The following RBFOX1 variants were observed in gnomAD, a reference collection of about 807,000 sequenced individuals.
The protein encoded by RBFOX1 is RNA binding protein fox-1 homolog 1.
A neutral mutation model predicts 57.7 loss-of-function variants in RBFOX1; 8 were observed. The observed-to-expected ratio is 0.14, with a 90% CI of 0.08 to 0.25. RBFOX1 has a LOEUF of 0.25. Ranked by LOEUF, RBFOX1 falls within the 10% of genes least tolerant of loss-of-function variation. The pLI, the probability that RBFOX1 is intolerant of heterozygous loss-of-function variation, is 1.00. For synonymous variants in RBFOX1, 326 were observed against 222.4 expected (o/e 1.47, Z -4.15); for missense variants, 611 against 548.5 (o/e 1.11, Z -1.14).
chr16:5,989,398 T>C (rs1567226591), intron 4 of RBFOX1, among the ~76,000 whole-genome samples: 1 of 151,744 alleles, frequency 6.6e-6, no homozygotes, highest in Non-Finnish European at 1.5e-5. Context: ...CCCTATAAAA[T>C]GAGAAAATAT....
intron 4 of RBFOX1, among the ~76,000 whole-genome samples, chr16:7,494,988 A>C (rs2068139606): frequency 6.6e-6 from 1 of 152,098 alleles, no homozygotes; most frequent in African/African-American, 2.4e-5. Flanking sequence ...CCATTTTAGT[A>C]GTCCCCCGTG....
intron 3 of RBFOX1, among the ~76,000 whole-genome samples, chr16:6,834,785 G>C (rs1444107836): frequency 6.6e-6 from 1 of 152,092 alleles, no homozygotes; most frequent in Non-Finnish European, 1.5e-5. Context: ...GTGGCTCTCA[G>C]AGTCATTCTT....
chr16:5,875,637 AT>A (rs567331776), intron 4 of RBFOX1, among the ~76,000 whole-genome samples: 21 of 152,292 alleles, frequency 1.4e-4, no homozygotes, highest in Admixed American at 2.6e-4. Context: ...ACAATAGGAA[AT>A]AGCAGAAGTA....
chr16:6,585,729 G>A (rs1337926077), intron 2 of RBFOX1, among the ~76,000 whole-genome samples: 1 of 137,122 alleles, frequency 7.3e-6, no homozygotes. Context: ...AGTTCAAAGG[G>A]GGCAAAAACA....
At chr16:5,280,262 T>G (rs531662826) in intron 1 of RBFOX1, among the ~76,000 whole-genome samples, 25 of 152,356 alleles carry the variant, frequency 1.6e-4, no homozygotes, top group African/African-American at 6.0e-4. Context: ...TGTTGAGCCA[T>G]GTTTGCATTC....
intron 3 of RBFOX1, among the ~76,000 whole-genome samples, chr16:6,815,275 A>C (rs2089814806): frequency 6.6e-6 from 1 of 151,972 alleles, no homozygotes; most frequent in Admixed American, 6.6e-5. Context: ...GTTTTGGCCG[A>C]CTTCTTTGCC....
intron 3 of RBFOX1, among the ~76,000 whole-genome samples, chr16:6,948,896 C>T (rs911320585): frequency 2.0e-5 from 3 of 152,170 alleles, no homozygotes; most frequent in Non-Finnish European, 4.4e-5. Context: ...ACAGCATCCT[C>T]TGACTGTCAA....
At chr16:7,160,278 T>A (rs1228615900) in intron 4 of RBFOX1, among the ~76,000 whole-genome samples, 3 of 152,158 alleles carry the variant, frequency 2.0e-5, no homozygotes, top group Non-Finnish European at 2.9e-5. Flanking sequence ...TTCCTGTCTT[T>A]GGCAGGTTTC....
chr16:6,422,958 C>T (rs1319504637), intron 2 of RBFOX1, among the ~76,000 whole-genome samples: 1 of 152,190 alleles, frequency 6.6e-6, no homozygotes, highest in Non-Finnish European at 1.5e-5. Flanking sequence ...TAATGGCCTC[C>T]AGCTGCATCC....
At chr16:6,676,235 T>C (rs149194245) in intron 3 of RBFOX1, among the ~76,000 whole-genome samples, 31 of 150,944 alleles carry the variant, frequency 2.1e-4, no homozygotes, top group South Asian at 4.2e-4. Context: ...TAGAGGTGAG[T>C]GTTGTAGTTA....
intron 3 of RBFOX1, among the ~76,000 whole-genome samples, chr16:6,881,790 C>T (rs909791413): frequency 5.3e-5 from 8 of 152,152 alleles, no homozygotes; most frequent in African/African-American, 1.9e-4. Flanking sequence ...ACTGGAGCCT[C>T]AATGCAACCT....
intron 1 of RBFOX1, among the ~76,000 whole-genome samples, chr16:5,261,214 T>G (rs2062723441): frequency 6.6e-6 from 1 of 152,206 alleles, no homozygotes; most frequent in Non-Finnish European, 1.5e-5. Context: ...TCTAGGTTGT[T>G]TTATGTTGTT....
At chr16:6,988,269 C>G (rs757464947) in intron 3 of RBFOX1, among the ~76,000 whole-genome samples, 1 of 152,160 alleles carries the variant, frequency 6.6e-6, no homozygotes, top group Non-Finnish European at 1.5e-5. Context: ...CTCCTCTCAG[C>G]AAAGCCCTAT....
intron 3 of RBFOX1, among the ~76,000 whole-genome samples, chr16:6,853,913 T>G (rs964566435): frequency 6.6e-6 from 1 of 152,164 alleles, no homozygotes; most frequent in African/African-American, 2.4e-5. Flanking sequence ...TGCAAATAAT[T>G]AGCTCTTCCT....
At chr16:5,742,626 A>T (rs1035013096) in intron 3 of RBFOX1, among the ~76,000 whole-genome samples, 1 of 152,180 alleles carries the variant, frequency 6.6e-6, no homozygotes, top group African/African-American at 2.4e-5. Flanking sequence ...ACTCATATAG[A>T]AAGCTTTAGG....
intron 3 of RBFOX1, among the ~76,000 whole-genome samples, chr16:7,000,589 TTTCTTTC>T (rs1455154750): frequency 4.4e-4 from 38 of 86,468 alleles, no homozygotes; most frequent in East Asian, 2.2e-3. Context: ...TTTCTTTCTT[TTTCTTTC>T]TTTTTTTTTT....
At chr16:5,490,687 A>C (rs902910739) in intron 2 of RBFOX1, among the ~76,000 whole-genome samples, 2 of 152,138 alleles carry the variant, frequency 1.3e-5, no homozygotes. Flanking sequence ...GGAAACTTCA[A>C]GGAGGCCTGG....
At chr16:5,246,936 G>A (rs922340248) in intron 1 of RBFOX1, among the ~76,000 whole-genome samples, 6 of 152,192 alleles carry the variant, frequency 3.9e-5, no homozygotes, top group African/African-American at 1.4e-4. Context: ...CTCCCAAAGT[G>A]CTGGGATTAC....
rs2059423922 is a variant in RBFOX1, at chr16:5,947,485, T to C, written c.351+80150T>C. ...TGTGCTCAAGCCATTTTCCTGCCTCTGCCAGTTTTTAAAATTTTTAGAGAC... is the reference window on the plus strand; with the variant it reads ...TGTGCTCAAGCCATTTTCCTGCCTCCGCCAGTTTTTAAAATTTTTAGAGAC... On this transcript the variant is annotated intron_variant, in intron 4 of 19. Transcript: ENST00000641259. This position sits in a 1 kb window ranked among gnomAD's most constrained non-coding sequence, Gnocchi z 7.2. 6.6e-6 allele frequency among the ~76,000 whole-genome samples: 1 copy of C among 152,174 alleles called. No individual in the cohort carries two copies. The highest frequency in any genetic ancestry group is 1.5e-5 in the Non-Finnish European group (1 of 68,036).
Sources: allele counts gnomAD v4.1 joint callset (sites outside exome capture counted in the v4.1 genomes callset), GRCh38; gene constraint gnomAD v4.1.1; non-coding constraint Gnocchi (gnomAD v3.1); transcripts MANE v1.5; gene names NCBI Gene and HGNC (gene_info 2026-07-23, HGNC 2026-07-21).